The following ARPC5 variants were observed in gnomAD, a reference collection of about 807,000 sequenced individuals.
ARPC5 encodes the protein actin-related protein 2/3 complex subunit 5.
A neutral mutation model predicts 15.4 loss-of-function variants in ARPC5; 5 were observed. That is an observed-to-expected ratio of 0.32 (90% confidence interval 0.17 to 0.68). The LOEUF is 0.68. ARPC5 is among the 30% of genes least tolerant of loss of function. The pLI, the probability that ARPC5 is intolerant of heterozygous loss-of-function variation, is 0.71. For missense variants in ARPC5, 138 were observed against 192.8 expected (o/e 0.72, Z 1.68); for synonymous variants, 85 against 72.2 (o/e 1.18, Z -0.90).
chr1:183,635,143 C>T (rs1649424284), intron 1 of ARPC5, among the ~76,000 whole-genome samples: 1 of 152,220 alleles, frequency 6.6e-6, no homozygotes, highest in South Asian at 2.1e-4. Flanking sequence ...GGAAGAAAAA[C>T]TAAGGCGCTC....
At position 183,623,541 on chromosome 1, in the gene ARPC5, G is replaced by T; in HGVS notation, c.*3991C>A. ...GTGACATTGGGGTGAGGGGGAGAGG[G>T]AGTGGGGCAGAGGTCCCGCGGCAGG... On this transcript the variant is annotated 3_prime_UTR_variant, in exon 4 of 4. Transcript: ENST00000359856. 1 of 1,548,238 alleles carries T rather than the reference G, an allele frequency of 6.5e-7. No individual in the cohort carries two copies. Among genetic ancestry groups the T allele is most frequent in the Non-Finnish European group, 8.7e-7 (1 of 1,145,328 alleles).
intron 3 of ARPC5, among the ~76,000 whole-genome samples, chr1:183,629,702 T>C (rs80013399): frequency 0.079 from 11,997 of 152,198 alleles, 907 homozygotes; most frequent in African/African-American, 0.2. Context: ...TCCTCCAAAC[T>C]CCTAATTCTT....
rs577277865 is a variant in ARPC5, at chr1:183,624,303, C to G, written c.*3229G>C. 6.6e-6 allele frequency: 1 copy of G among 151,986 alleles called. No individual in the cohort carries two copies. Among genetic ancestry groups the G allele is most frequent in the African/African-American group, 2.4e-5 (1 of 41,362 alleles). The allele number at this position is 151,986 out of a possible 1,614,324, so 9.4% of individuals were successfully genotyped here. On this transcript the variant is annotated 3_prime_UTR_variant, in exon 4 of 4. Coordinates refer to ENST00000359856, the MANE Select transcript of ARPC5 (RefSeq NM_005717.4). ...TGGGCGGATCACGAGGTCAGGAGAT[C>G]GAGACCATCCTGGCTAACACGGTGA... is the stretch of plus-strand genomic sequence containing the variant.
chr1:183,629,578 T>G (rs1424815111), intron 3 of ARPC5, among the ~76,000 whole-genome samples: 1 of 152,208 alleles, frequency 6.6e-6, no homozygotes, highest in Non-Finnish European at 1.5e-5. Context: ...TTATCCAGTT[T>G]TTTACCCAAA....
chr1:183,630,476 C>T lies in ARPC5; in HGVS notation c.378G>A (p.Leu126=), dbSNP rs371486907. 6.2e-7 allele frequency: 1 copy of T among 1,606,910 alleles called. No homozygotes were observed. The change falls in exon 3 of 4, where the codon CTG becomes CTA. Residue 126 remains leucine (L), a synonymous_variant. Coordinates refer to ENST00000359856, the MANE Select transcript of ARPC5 (RefSeq NM_005717.4). ...CATAACTTACCTTTTCATGCCATTG[C>T]AGTAACATAGCACTGCTATTGTCAG... ...SPSDNSSAML[L]QWHEKALAAG...
At chr1:183,635,219 C>A (rs948989920) in intron 1 of ARPC5, among the ~76,000 whole-genome samples, 1 of 152,216 alleles carries the variant, frequency 6.6e-6, no homozygotes, top group Non-Finnish European at 1.5e-5. Context: ...GCCGGCGGGA[C>A]CAGTTCCCGA....
Position 183,630,640 on chromosome 1 carries a change from G to T in ARPC5, c.217-3C>A. On this transcript the variant is annotated splice_polypyrimidine_tract_variant and splice_region_variant and intron_variant, in intron 2 of 3. Transcript: ENST00000359856. ...AAGACAATGCTGCCTGCCCGGTCCT[G>T]GTGGGTCAATAAATAACAGAACATT... is the stretch of plus-strand genomic sequence containing the variant. The T allele has an allele frequency of 6.2e-7, 1 of 1,609,718 alleles. No homozygotes were observed. The highest frequency in any genetic ancestry group is 8.5e-7 in the Non-Finnish European group (1 of 1,178,270).
chr1:183,629,563 A>G (rs1047598304), intron 3 of ARPC5, among the ~76,000 whole-genome samples: 7 of 152,226 alleles, frequency 4.6e-5, no homozygotes, highest in Admixed American at 2.0e-4. Context: ...GGTTCTATTT[A>G]CATGTTATCC....
rs1649125996 is a variant in ARPC5 at position 183,627,098 on chromosome 1, T to C, written c.*434A>G. The stretch of plus-strand genomic sequence containing the variant: ...TTTGCAATGTTAATAGCTGCCAGTC[T>C]CTCATATTTTTTATAAATATCATTT... On this transcript the variant is annotated 3_prime_UTR_variant, in exon 4 of 4. Transcript: ENST00000359856. The C allele has an allele frequency of 3.8e-5, 6 of 156,574 alleles. No individual in the cohort carries two copies. Among genetic ancestry groups the C allele is most frequent in the Admixed American group, 3.8e-4 (6 of 15,758 alleles). 9.7% of individuals were successfully genotyped at this position (156,574 alleles called of 1,614,324 possible). A position where few individuals can be genotyped will look rare whatever the true frequency, so the allele number is the denominator to read the frequency against.
chr1:183,623,337 G>A lies in ARPC5; in HGVS notation c.*4195C>T, dbSNP rs1400760862. 6.4e-6 allele frequency: 8 copies of A among 1,250,200 alleles called. No individual in the cohort carries two copies. Among genetic ancestry groups the A allele is most frequent in the Non-Finnish European group, 9.1e-6 (8 of 875,992 alleles). The allele number at this position is 1,250,200 out of a possible 1,614,324, so 77.4% of individuals were successfully genotyped here. On this transcript the variant is annotated 3_prime_UTR_variant, in exon 4 of 4. Coordinates refer to ENST00000359856, the MANE Select transcript of ARPC5 (RefSeq NM_005717.4). ...GATAAAGGAAAATAGAAATGTTAAA[G>A]TGAATGCTGTGTCCCATGTTGCTTG...
In ARPC5 at chr1:183,625,611, G is replaced by T. The variant is rs1572195551; in HGVS notation, c.*1921C>A. ...AGTTCCACCTTTTCGGGAGGCTGAG[G>T]CAGGACTGCTTGAAGCCAGGAGTTT... On this transcript the variant is annotated 3_prime_UTR_variant, in exon 4 of 4. Transcript: ENST00000359856. 6.6e-6 allele frequency: 1 copy of T among 152,242 alleles called. No individual in the cohort carries two copies. The highest frequency in any genetic ancestry group is 1.5e-5 in the Non-Finnish European group (1 of 68,084). 9.4% of individuals were successfully genotyped at this position (152,242 alleles called of 1,614,324 possible).
chr1:183,634,901 C>CCTT (rs748276518), intron 1 of ARPC5, among the ~76,000 whole-genome samples: 4 of 146,946 alleles, frequency 2.7e-5, no homozygotes, highest in South Asian at 2.1e-4. Flanking sequence ...TGCCAAATCC[C>CCTT]CTTCTTCTTC....
In ARPC5 at chr1:183,623,516, G is replaced by C; in HGVS notation, c.*4016C>G. On this transcript the variant is annotated 3_prime_UTR_variant, in exon 4 of 4. Coordinates refer to ENST00000359856, the MANE Select transcript of ARPC5 (RefSeq NM_005717.4). ...ATTGGGGTTTTCACATATTGTACTA[G>C]TGACATTGGGGTGAGGGGGAGAGGG... 6.5e-7 allele frequency: 1 copy of C among 1,550,174 alleles called. No homozygotes were observed. Among genetic ancestry groups the C allele is most frequent in the Non-Finnish European group, 8.7e-7 (1 of 1,146,792 alleles).
chr1:183,635,387 GAC>G, intron 1 of ARPC5, 128 bp downstream of exon 1: 1 of 1,128,660 alleles, frequency 8.9e-7, no homozygotes. Flanking sequence ...ATCCCAAAGA[GAC>G]AGGTTAAGCC....
At position 183,626,421 on chromosome 1, in the gene ARPC5, A is replaced by G. The variant is rs1171576739; in HGVS notation, c.*1111T>C. ...TGTTTTAGAGCTACTCGATATTTATAACTTTTTATAAGCACCGGTCATTTT... is the reference window on the plus strand; with the variant it reads ...TGTTTTAGAGCTACTCGATATTTATGACTTTTTATAAGCACCGGTCATTTT... On this transcript the variant is annotated 3_prime_UTR_variant, in exon 4 of 4. Transcript: ENST00000359856. The G allele has an allele frequency of 6.6e-6, 1 of 152,384 alleles. No homozygotes were observed. Among genetic ancestry groups the G allele is most frequent in the African/African-American group, 2.4e-5 (1 of 41,452 alleles). 9.4% of individuals were successfully genotyped at this position (152,384 alleles called of 1,614,324 possible).
intron 3 of ARPC5, among the ~76,000 whole-genome samples, chr1:183,628,596 A>T (rs936273055): frequency 6.6e-6 from 1 of 152,194 alleles, no homozygotes; most frequent in African/African-American, 2.4e-5. Flanking sequence ...ATTTTAATCT[A>T]ATGTATGAAA....
chr1:183,634,722 T>C (rs1181488690), intron 1 of ARPC5, among the ~76,000 whole-genome samples: 25 of 152,214 alleles, frequency 1.6e-4, no homozygotes, highest in Admixed American at 1.6e-3. Flanking sequence ...ATCTTATTCA[T>C]TGGGGTTTAT....
chr1:183,627,697 C>A, intron 3 of ARPC5, 103 bp from the exon 4 acceptor site: 3 of 877,520 alleles, frequency 3.4e-6, no homozygotes, highest in Non-Finnish European at 3.9e-6. Flanking sequence ...CTGCTATAGA[C>A]CCTGAATTTA....
intron 2 of ARPC5, 142 bp from the exon 3 acceptor site, chr1:183,630,779 T>C: frequency 1.4e-6 from 1 of 740,316 alleles, no homozygotes; most frequent in Non-Finnish European, 2.1e-6. Flanking sequence ...CTGAGGAAAG[T>C]GTTTCAGACA....
Sources: gnomAD v4.1 joint callset for allele counts (sites outside exome capture counted in the v4.1 genomes callset) on GRCh38, gnomAD v4.1.1 for gene constraint, MANE v1.5 for transcripts, NCBI Gene and HGNC (gene_info 2026-07-23, HGNC 2026-07-21) for gene names.